The following ZFP64 variants were observed in gnomAD, a reference collection of about 807,000 sequenced individuals.
The protein encoded by ZFP64 is zinc finger protein 64.
Under a neutral mutation model 51.6 loss-of-function variants are expected in ZFP64, and 14 were observed. That is an observed-to-expected ratio of 0.27 (90% CI 0.18 to 0.42). The LOEUF (loss-of-function observed/expected upper bound fraction) is 0.42, where lower values mean the gene tolerates loss of function less well. Among genes scored for constraint, ZFP64 ranks in the 10% least tolerant of loss-of-function variants. ZFP64 has a pLI of 1.00. For synonymous variants in ZFP64, 375 were observed against 361.4 expected (o/e 1.04, Z -0.43); for missense variants, 754 against 906.8 (o/e 0.83, Z 2.16).
At chr20:52,154,763 C>A (rs919264949) in intron 5 of ZFP64, among the ~76,000 whole-genome samples, 14 of 152,070 alleles carry the variant, frequency 9.2e-5, no homozygotes, top group African/African-American at 3.4e-4. Context: ...CTGCCCACAG[C>A]CTGTTTCTAT....
At chr20:52,184,600 T>C (rs1983831713) in intron 2 of ZFP64, among the ~76,000 whole-genome samples, 1 of 152,084 alleles carries the variant, frequency 6.6e-6, no homozygotes, top group African/African-American at 2.4e-5. Flanking sequence ...ATTGTTGGAA[T>C]CTTTGATATT....
chr20:52,171,357 A>ATATGTG (rs59871770), intron 2 of ZFP64, among the ~76,000 whole-genome samples: 27 of 151,990 alleles, frequency 1.8e-4, no homozygotes, highest in South Asian at 1.7e-3. Context: ...GTGTGTGTGC[A>ATATGTG]TATGTGTATG....
chr20:52,089,040 C>G, intron 7 of ZFP64: 1 of 521,024 alleles, frequency 1.9e-6, no homozygotes, highest in Non-Finnish European at 3.8e-6. Context: ...AGCACGGCAT[C>G]TCCCCCTAGG....
In ZFP64 at chr20:52,105,138, C is replaced by T. The variant is rs1413986416; in HGVS notation, c.764-6551G>A. 4.2e-6 allele frequency: 6 copies of T among 1,429,798 alleles called. No individual in the cohort carries two copies. In the African/African-American group the frequency reaches 9.0e-5, roughly 21 times the overall value. The allele number at this position is 1,429,798 out of a possible 1,614,324, so 88.6% of individuals were successfully genotyped here. A position where few individuals can be genotyped will look rare whatever the true frequency, so the allele number is the denominator to read the frequency against. On this transcript the variant is annotated intron_variant, in intron 5 of 8. Transcript: ENST00000361387. Reference sequence around the variant, plus strand: ...CTCCAGCGGCGCTACTCACCCGGCTCCCCCGCCACCTGCGGGGCCACCTCC... The same window carrying T: ...CTCCAGCGGCGCTACTCACCCGGCTTCCCCGCCACCTGCGGGGCCACCTCC...
chr20:52,084,964 G>A (rs768613199), exon 9 of ZFP64: 4 of 1,613,746 alleles, frequency 2.5e-6, no homozygotes, highest in South Asian at 2.2e-5. Context: ...CTGTGCACGC[G>A]CAGGGCGGCC....
intron 5 of ZFP64, among the ~76,000 whole-genome samples, chr20:52,157,550 C>T (rs1981416035): frequency 6.6e-6 from 1 of 152,202 alleles, no homozygotes; most frequent in African/African-American, 2.4e-5. Flanking sequence ...AGAGCTGAGC[C>T]AAGGCCTAAC....
intron 5 of ZFP64, among the ~76,000 whole-genome samples, chr20:52,100,906 T>C (rs1477901046): frequency 6.6e-6 from 1 of 152,188 alleles, no homozygotes; most frequent in African/African-American, 2.4e-5. Flanking sequence ...TGGCTTCAGA[T>C]GTCGCAAGTG....
chr20:52,158,047 AT>A (rs1311936899), intron 5 of ZFP64, among the ~76,000 whole-genome samples: 6 of 152,040 alleles, frequency 3.9e-5, no homozygotes, highest in Non-Finnish European at 8.8e-5. Context: ...TATGTGCCAC[AT>A]TTTCTTTATC....
chr20:52,097,620 AATTTTTGT>A (rs2079004065), intron 6 of ZFP64, among the ~76,000 whole-genome samples: 1 of 151,916 alleles, frequency 6.6e-6, no homozygotes, highest in Admixed American at 6.6e-5. Context: ...ACGCCTGGCT[AATTTTTGT>A]ATTTTTGATA....
chr20:52,088,150 G>T (rs942435561), intron 8 of ZFP64: 2 of 578,120 alleles, frequency 3.5e-6, no homozygotes, highest in East Asian at 3.1e-5. Flanking sequence ...AGTTATAGTG[G>T]GTATCTACTC....
At chr20:52,088,732 T>TG in intron 7 of ZFP64, 1 of 1,553,876 alleles carries the variant, frequency 6.4e-7, no homozygotes, top group South Asian at 1.1e-5. Context: ...GGCATATGGG[T>TG]GTGCCGCCTC....
At chr20:52,090,072 C>T (rs141937986) in intron 7 of ZFP64, among the ~76,000 whole-genome samples, 12 of 152,238 alleles carry the variant, frequency 7.9e-5, no homozygotes, top group African/African-American at 2.2e-4. Context: ...AGGTAAGACA[C>T]GAAAGCTCGT....
At chr20:52,116,127 C>A (rs1427968970) in intron 5 of ZFP64, among the ~76,000 whole-genome samples, 2 of 151,196 alleles carry the variant, frequency 1.3e-5, no homozygotes, top group Non-Finnish European at 2.9e-5. Context: ...AGCCACAGCA[C>A]CACGTCAATA....
chr20:52,158,459 A>G (rs1171185966), intron 5 of ZFP64, among the ~76,000 whole-genome samples: 2 of 152,216 alleles, frequency 1.3e-5, no homozygotes, highest in African/African-American at 2.4e-5. Context: ...TAATCCTAGC[A>G]CTTTGGGAGG....
intron 4 of ZFP64, 78 bp downstream of exon 4, chr20:52,164,617 C>T (rs946477959): frequency 2.0e-5 from 25 of 1,234,486 alleles, no homozygotes; most frequent in African/African-American, 1.5e-4. Context: ...TGGTATCATT[C>T]GTCTGACCTA....
Position 52,085,709 on chromosome 20 carries a change from TTAATC to T in ZFP64, c.1229-448_1229-444del, listed in dbSNP as rs1166160670. ...CCTGTGAAGACGCTTACTATAGTGT[TTAATC>T]TATATGACATCAGTTATTGAGCTTG... is the stretch of plus-strand genomic sequence containing the variant. On this transcript the variant is annotated intron_variant, in intron 8 of 8. Transcript: ENST00000361387. The surrounding 1 kb of genome is among the most constrained non-coding windows in gnomAD (Gnocchi z 4.3). Among the ~76,000 whole-genome samples the T allele has an allele frequency of 1.3e-5, 2 of 152,234 alleles. No individual in the cohort carries two copies. The highest frequency in any genetic ancestry group is 2.4e-5 in the African/African-American group (1 of 41,460).
intron 1 of ZFP64, among the ~76,000 whole-genome samples, chr20:52,190,034 C>G (rs1195443367): frequency 1.3e-5 from 2 of 152,072 alleles, no homozygotes; most frequent in Non-Finnish European, 2.9e-5. Flanking sequence ...CAATTTTCCC[C>G]AGGTCTAGCT....
intron 5 of ZFP64, among the ~76,000 whole-genome samples, chr20:52,134,542 G>A (rs1369737454): frequency 6.6e-6 from 1 of 152,158 alleles, no homozygotes; most frequent in Non-Finnish European, 1.5e-5. Flanking sequence ...GCTTCTTTGC[G>A]ATGCTTTCAG....
At chr20:52,122,287 A>G (rs931396629) in intron 5 of ZFP64, among the ~76,000 whole-genome samples, 19 of 152,242 alleles carry the variant, frequency 1.2e-4, no homozygotes, top group African/African-American at 4.3e-4. Context: ...CGGGTGGATC[A>G]CGAGGTCAGG....
Sources: gnomAD v4.1 joint callset for allele counts (sites outside exome capture counted in the v4.1 genomes callset) on GRCh38, gnomAD v4.1.1 for gene constraint, Gnocchi (gnomAD v3.1) non-coding constraint, MANE v1.5 for transcripts, NCBI Gene and HGNC (gene_info 2026-07-23, HGNC 2026-07-21) for gene names.